The following CD38 variants were observed in gnomAD, a reference collection of about 807,000 sequenced individuals.
The protein encoded by CD38 is CD38 molecule.
A neutral mutation model predicts 36.3 loss-of-function variants in CD38; 31 were observed. That is an observed-to-expected ratio of 0.85 (90% CI 0.64 to 1.15). CD38 has a LOEUF of 1.15. CD38 is among the 50% of genes most tolerant of loss of function. The pLI, the probability that CD38 is intolerant of heterozygous loss-of-function variation, is 0.00. For synonymous variants in CD38, 131 were observed against 135.2 expected, an observed-to-expected ratio of 0.97 and a Z score of 0.22; for missense variants, 380 against 371.9, an observed-to-expected ratio of 1.02 and a Z score of -0.18.
At chr4:15,848,287 G>A (rs1178328826) in intron 7 of CD38, among the ~76,000 whole-genome samples, 1 of 152,192 alleles carries the variant, frequency 6.6e-6, no homozygotes, top group East Asian at 1.9e-4. Context: ...AGCTTCGGAA[G>A]AGAGGAAAGC....
At position 15,791,867 on chromosome 4, in the gene CD38, G is replaced by T. The variant is rs1312985454; in HGVS notation, c.233+13220G>T. ...AGGTGAGGGGCGCCTCTGCCCGGCC[G>T]CCCCTACTGGGAAGTGAGGAGCCCC... On this transcript the variant is annotated intron_variant, in intron 1 of 7. Coordinates refer to ENST00000226279, the MANE Select transcript of CD38 (RefSeq NM_001775.4). Among the ~76,000 whole-genome samples the T allele has an allele frequency of 2.2e-5, 2 of 91,352 alleles. 1 individual carries two copies. The highest frequency in any genetic ancestry group is 1.9e-4 in the African/African-American group (2 of 10,454). The allele number at this position is 91,352 out of a possible 152,430, so 59.9% of individuals were successfully genotyped here.
chr4:15,784,924 C>T (rs1449950455), intron 1 of CD38, among the ~76,000 whole-genome samples: 6 of 152,024 alleles, frequency 3.9e-5, no homozygotes, highest in East Asian at 1.9e-4. Flanking sequence ...GGTGTGGTTG[C>T]GTGCACCTGT....
chr4:15,821,608 C>G (rs1378335602), intron 2 of CD38, among the ~76,000 whole-genome samples: 1 of 151,420 alleles, frequency 6.6e-6, no homozygotes, highest in Non-Finnish European at 1.5e-5. Context: ...GATACATACA[C>G]CCTCCCAAGA....
intron 3 of CD38, among the ~76,000 whole-genome samples, chr4:15,830,496 C>G (rs1156304360): frequency 6.6e-6 from 1 of 152,044 alleles, no homozygotes; most frequent in Non-Finnish European, 1.5e-5. Context: ...TTTTTAATGC[C>G]TTCTTGAATG....
intron 3 of CD38, among the ~76,000 whole-genome samples, chr4:15,829,172 T>G (rs1433015363): frequency 6.6e-6 from 1 of 152,162 alleles, no homozygotes; most frequent in African/African-American, 2.4e-5. Context: ...TTTTTTTTCT[T>G]GTTTTTGAGT....
chr4:15,825,276 G>A (rs946083898), intron 3 of CD38: 4 of 389,528 alleles, frequency 1.0e-5, no homozygotes, highest in African/African-American at 8.2e-5. Context: ...TTCGGGTGAA[G>A]GCCTGAGGCT....
chr4:15,790,827 C>A (rs1292741214), intron 1 of CD38, among the ~76,000 whole-genome samples: 1 of 148,786 alleles, frequency 6.7e-6, no homozygotes, highest in African/African-American at 2.5e-5. Flanking sequence ...TCTGCCCCGC[C>A]GCCCTGTCTG....
At chr4:15,800,529 T>C (rs1305274002) in intron 1 of CD38, among the ~76,000 whole-genome samples, 1 of 152,226 alleles carries the variant, frequency 6.6e-6, no homozygotes, top group African/African-American at 2.4e-5. Flanking sequence ...ATGGTGGTTA[T>C]AGTTTGCATT....
At chr4:15,821,694 C>CAAAAAAAAAAAAAAAAA (rs59688929) in intron 2 of CD38, among the ~76,000 whole-genome samples, 1 of 77,768 alleles carries the variant, frequency 1.3e-5, no homozygotes, top group Non-Finnish European at 3.0e-5. Flanking sequence ...AAATACCAAC[C>CAAAAAAAAAAAAAAAAA]AAAAAAAAAA....
rs894418472 is a variant in CD38 at position 15,851,349 on chromosome 4, T to A, written c.*2747T>A. The A allele has an allele frequency of 6.6e-5, 10 of 152,216 alleles. No homozygotes were observed. The highest frequency in any genetic ancestry group is 2.4e-4 in the African/African-American group (10 of 41,428). 9.4% of individuals were successfully genotyped at this position (152,216 alleles called of 1,614,324 possible). Reference sequence around the variant, plus strand: ...GTGACTTCTCTACTGGATTACTGGTTGCTCATACACCTCATATTTTACTCG... The same window carrying A: ...GTGACTTCTCTACTGGATTACTGGTAGCTCATACACCTCATATTTTACTCG... On this transcript the variant is annotated 3_prime_UTR_variant, in exon 8 of 8. Transcript: ENST00000226279.
intron 1 of CD38, among the ~76,000 whole-genome samples, chr4:15,810,451 AG>A (rs1490781409): frequency 6.6e-6 from 1 of 152,188 alleles, no homozygotes; most frequent in Admixed American, 6.5e-5. Flanking sequence ...GAGTTTTACA[AG>A]GGAGTTGGAG....
At chr4:15,827,150 A>G (rs1424738728) in intron 3 of CD38, among the ~76,000 whole-genome samples, 1 of 152,210 alleles carries the variant, frequency 6.6e-6, no homozygotes, top group Non-Finnish European at 1.5e-5. Flanking sequence ...AGTCTGAGGC[A>G]TGGAGTTAAG....
At chr4:15,780,538 A>ACACACACACACACACACACG (rs1560303851) in intron 1 of CD38, among the ~76,000 whole-genome samples, 3 of 150,826 alleles carry the variant, frequency 2.0e-5, no homozygotes, top group African/African-American at 7.3e-5. Context: ...ACACACACAC[A>ACACACACACACACACACACG]CACACACACA....
intron 4 of CD38, among the ~76,000 whole-genome samples, chr4:15,837,195 C>A (rs1239462444): frequency 6.6e-6 from 1 of 152,178 alleles, no homozygotes; most frequent in Non-Finnish European, 1.5e-5. Context: ...CAGTCCCTGG[C>A]ACTAGGAATA....
chr4:15,816,645 T>G lies in CD38; in HGVS notation c.363+5T>G, dbSNP rs766870428. 6.2e-7 allele frequency: 1 copy of G among 1,613,232 alleles called. No homozygotes were observed. Among genetic ancestry groups the G allele is most frequent in the African/African-American group, 1.3e-5 (1 of 74,884 alleles). On this transcript the variant is annotated splice_donor_5th_base_variant and intron_variant, in intron 2 of 7. Coordinates refer to ENST00000226279, the MANE Select transcript of CD38 (RefSeq NM_001775.4). ...CAGACCGTACCTTGCAACAAGGTAA[T>G]TGGGGGCATGCCATTGATTTTAAAA...
intron 6 of CD38, among the ~76,000 whole-genome samples, 162 bp downstream of exon 6, chr4:15,840,280 T>G (rs551622414): frequency 1.9e-4 from 29 of 152,300 alleles, no homozygotes; most frequent in Admixed American, 3.3e-4. Context: ...ACAAAGGATA[T>G]TTAACTGCTT....
At chr4:15,799,486 A>G (rs1306549500) in intron 1 of CD38, among the ~76,000 whole-genome samples, 3 of 152,200 alleles carry the variant, frequency 2.0e-5, no homozygotes, top group African/African-American at 7.2e-5. Flanking sequence ...TATAAATGGA[A>G]TACATATCAT....
chr4:15,796,113 G>C (rs1165137446), intron 1 of CD38, among the ~76,000 whole-genome samples: 1 of 151,948 alleles, frequency 6.6e-6, no homozygotes, highest in Non-Finnish European at 1.5e-5. Flanking sequence ...AATCTCCATG[G>C]GAATTCTTAA....
intron 1 of CD38, among the ~76,000 whole-genome samples, chr4:15,788,330 C>T (rs942244441): frequency 6.6e-6 from 1 of 152,150 alleles, no homozygotes. Flanking sequence ...GTGACATTTC[C>T]TTGTGATTCT....
Sources: gnomAD v4.1 joint callset for allele counts (sites outside exome capture counted in the v4.1 genomes callset) on GRCh38, gnomAD v4.1.1 for gene constraint, MANE v1.5 for transcripts, NCBI Gene and HGNC (gene_info 2026-07-23, HGNC 2026-07-21) for gene names.